The following TERT variants were observed in gnomAD, a reference collection of about 807,000 sequenced individuals.
The protein encoded by TERT is telomerase reverse transcriptase, also known as telomerase catalytic subunit.
TERT carries 42 observed loss-of-function variants against 104.0 expected under a neutral mutation model. The ratio of observed to expected loss-of-function variants is 0.40; its 90% CI spans 0.32 to 0.52. TERT has a LOEUF of 0.52. Among genes scored for constraint, TERT ranks in the 20% least tolerant of loss-of-function variants. The pLI, the probability that TERT is intolerant of heterozygous loss-of-function variation, is 0.43. For synonymous variants in TERT, 781 were observed against 725.6 expected (o/e 1.08, Z -1.23); for missense variants, 1,101 against 1,610.3 (o/e 0.68, Z 5.41).
At position 1,294,734 on chromosome 5, in the gene TERT, T is replaced by G. The variant is rs754596246; in HGVS notation, c.219+37A>C. The G allele has an allele frequency of 2.6e-5, 41 of 1,567,534 alleles. No homozygotes were observed. Among genetic ancestry groups the G allele is most frequent in the Middle Eastern group, 3.8e-4 (2 of 5,280 alleles). On this transcript the variant is annotated intron_variant, in intron 1 of 15. Coordinates refer to ENST00000310581, the MANE Select transcript of TERT (RefSeq NM_198253.3). ...TGTCGCTGGTTCCCCCCGGCCGCCC[T>G]CAACCCCAGCCGGACGCCGACCCCG... is the stretch of plus-strand genomic sequence containing the variant.
rs746036694 is a variant in TERT, at chr5:1,294,109, C to T, written c.777G>A (p.Pro259=). 6.9e-6 allele frequency: 11 copies of T among 1,585,246 alleles called. No homozygotes were observed. The highest frequency in any genetic ancestry group is 1.7e-4 in the Middle Eastern group (1 of 6,058). ...TPVGQGSWAH[P]GRTRGPSDRG... is the part of the protein sequence containing the mutation. The stretch of plus-strand genomic sequence containing the variant: ...GGTCACTCGGTCCACGCGTCCTGCC[C>T]GGGTGGGCCCAGGACCCCTGCCCAA... Residue 259 remains proline (P), a synonymous_variant, in exon 2 of 16, where the codon CCG becomes CCA. Transcript: ENST00000310581.
intron 2 of TERT, among the ~76,000 whole-genome samples, chr5:1,285,641 C>A (rs373064297): frequency 4.7e-5 from 6 of 126,572 alleles, no homozygotes; most frequent in East Asian, 2.6e-4. Flanking sequence ...GCAATGTCGG[C>A]TCACTGCAAC....
Position 1,292,288 on chromosome 5 carries a change from G to A in TERT, c.1573+1025C>T, listed in dbSNP as rs557503341. Among the ~76,000 whole-genome samples, 3 of 152,146 alleles carry A rather than the reference G, an allele frequency of 2.0e-5. No homozygotes were observed. The highest frequency in any genetic ancestry group is 2.1e-4 in the South Asian group (1 of 4,808). On this transcript the variant is annotated intron_variant, in intron 2 of 15. Transcript: ENST00000310581. This position sits in a 1 kb window ranked among gnomAD's most constrained non-coding sequence, Gnocchi z 5.5. ...CTGGGAGCCAAAAGGGGGCTGGAGC[G>A]GAGGTTCCTCAACATCAAATCCAGA... is the stretch of plus-strand genomic sequence containing the variant.
rs750129321 is a variant in TERT at position 1,293,972 on chromosome 5, G to C, written c.914C>G (p.Ala305Gly). 2 of 1,560,830 alleles carry C rather than the reference G, an allele frequency of 1.3e-6. No homozygotes were observed. Among genetic ancestry groups the C allele is most frequent in the Admixed American group, 1.9e-5 (1 of 53,044 alleles). The change falls in exon 2 of 16, where the codon GCG becomes GGG. Residue 305 changes from alanine to glycine, a missense_variant. Around this residue, in one of 5 missense-constraint regions of TERT, gnomAD observed 504 missense variants for 544.6 expected, o/e 0.93. Coordinates refer to ENST00000310581, the MANE Select transcript of TERT (RefSeq NM_198253.3). ...TGGCCGCGATGTGGATGGGGGGCCCGCGTGGTGCTGGCGGCCCACGGATGG... is the reference window on the plus strand; with the variant it reads ...TGGCCGCGATGTGGATGGGGGGCCCCCGTGGTGCTGGCGGCCCACGGATGG... ...SHPSVGRQHHAGPPSTSRPPR... is the reference protein window; with the variant it reads ...SHPSVGRQHHGGPPSTSRPPR...
chr5:1,290,806 C>G (rs62332595), intron 2 of TERT, among the ~76,000 whole-genome samples: 69 of 4,188 alleles, frequency 0.016, no homozygotes, highest in Admixed American at 0.03. Context: ...ACCCGGGGAC[C>G]GCGCCTCACT....
intron 2 of TERT, among the ~76,000 whole-genome samples, chr5:1,291,577 T>C (rs1750969585): frequency 8.0e-6 from 1 of 125,536 alleles, no homozygotes; most frequent in Non-Finnish European, 1.7e-5. Flanking sequence ...TCACTCACCC[T>C]GCACGTGACA....
intron 13 of TERT, 29 bp downstream of exon 13, chr5:1,258,569 T>C (rs1481247257): frequency 1.3e-6 from 2 of 1,556,362 alleles, no homozygotes; most frequent in Non-Finnish European, 1.7e-6. Flanking sequence ...CCCTGGAGGC[T>C]GGGCCTGCAC....
Position 1,294,993 on chromosome 5 carries a change from G to T in TERT, c.-4C>A, listed in dbSNP as rs1751304029. ...GGCAGCGGGGAGCGCGCGGCATCGC[G>T]GGGGTGGCCGGGGCCAGGGCTTCCC... On this transcript the variant is annotated 5_prime_UTR_variant, in exon 1 of 16. Transcript: ENST00000310581. 3.8e-6 allele frequency: 5 copies of T among 1,314,860 alleles called. No homozygotes were observed. The South Asian group carries it at 9.2e-5, about 24-fold the overall frequency. The allele number at this position is 1,314,860 out of a possible 1,614,324, so 81.4% of individuals were successfully genotyped here.
At position 1,292,631 on chromosome 5, in the gene TERT, GC is replaced by G. The variant is rs1751067198; in HGVS notation, c.1573+681del. ...GGGTTCAAGTGATTCTCCTGCCTCA[GC>G]CTCCCAAGTAGCTGGGATTACAGGC... On this transcript the variant is annotated intron_variant, in intron 2 of 15. Coordinates refer to ENST00000310581, the MANE Select transcript of TERT (RefSeq NM_198253.3). This position sits in a 1 kb window ranked among gnomAD's most constrained non-coding sequence, Gnocchi z 5.5. Among the ~76,000 whole-genome samples, 1 of 152,082 alleles carries G rather than the reference GC, an allele frequency of 6.6e-6. No individual in the cohort carries two copies.
Position 1,287,374 on chromosome 5 carries a change from T to C in TERT, c.1574-4750A>G, listed in dbSNP as rs1187110151. 1.3e-5 allele frequency among the ~76,000 whole-genome samples: 2 copies of C among 151,706 alleles called. No individual in the cohort carries two copies. The highest frequency in any genetic ancestry group is 2.9e-5 in the Non-Finnish European group (2 of 67,906). On this transcript the variant is annotated intron_variant, in intron 2 of 15. Transcript: ENST00000310581. The surrounding 1 kb of genome is among the most constrained non-coding windows in gnomAD (Gnocchi z 4.3). Reference sequence around the variant, plus strand: ...AATTAGCCAGGTGTAGCGGTGCGTGTCTGCAGTTCCAGCTATTCAGGAGGC... The same window carrying C: ...AATTAGCCAGGTGTAGCGGTGCGTGCCTGCAGTTCCAGCTATTCAGGAGGC...
At chr5:1,273,246 G>A (rs113653418) in intron 6 of TERT, among the ~76,000 whole-genome samples, 3 of 18,690 alleles carry the variant, frequency 1.6e-4, no homozygotes, top group Admixed American at 8.0e-4. Flanking sequence ...CCCCACGACC[G>A]CCATCCACAG....
rs1213662764 is a variant in TERT at position 1,293,930 on chromosome 5, G to T, written c.956C>A (p.Thr319Lys). ...CTCGGCGTACACCGGGGGACAAGGC[G>T]TGTCCCAGGGACGTGGTGGCCGCGA... ...STSRPPRPWD[T>K]PCPPVYAETK... Residue 319 changes from threonine to lysine, a missense_variant, in exon 2 of 16, where the codon ACG (threonine) becomes AAG (lysine). By Grantham distance (78) the Thr-to-Lys change is moderately conservative (BLOSUM62 -1). Transcript: ENST00000310581. The T allele has an allele frequency of 6.5e-7, 1 of 1,543,736 alleles. No homozygotes were observed. The highest frequency in any genetic ancestry group is 2.4e-5 in the East Asian group (1 of 40,934).
chr5:1,283,414 C>A (rs1329135299), intron 2 of TERT, among the ~76,000 whole-genome samples: 1 of 147,192 alleles, frequency 6.8e-6, no homozygotes, highest in Non-Finnish European at 1.5e-5. Flanking sequence ...GGCGACCTCA[C>A]CCCGGACCTG....
At position 1,286,528 on chromosome 5, in the gene TERT, C is replaced by T. The variant is rs1383729726; in HGVS notation, c.1574-3904G>A. Among the ~76,000 whole-genome samples, 1 of 152,136 alleles carries T rather than the reference C, an allele frequency of 6.6e-6. No homozygotes were observed. Among genetic ancestry groups the T allele is most frequent in the Admixed American group, 6.6e-5 (1 of 15,260 alleles). On this transcript the variant is annotated intron_variant, in intron 2 of 15. Transcript: ENST00000310581. The surrounding 1 kb of genome is among the most constrained non-coding windows in gnomAD (Gnocchi z 5.3). The stretch of plus-strand genomic sequence containing the variant: ...CTGGGGGGTGGCCAGAGCTAAAATA[C>T]ACTAAGGGTCTTATTGCTCAGGACA...
intron 9 of TERT, among the ~76,000 whole-genome samples, chr5:1,267,568 A>AGAC (rs1301497212): frequency 6.6e-6 from 1 of 152,252 alleles, no homozygotes; most frequent in African/African-American, 2.4e-5. Flanking sequence ...ACAGTAGCAA[A>AGAC]GACTTGCAAC....
intron 2 of TERT, among the ~76,000 whole-genome samples, chr5:1,285,517 A>C (rs541938322): frequency 6.6e-6 from 1 of 150,890 alleles, no homozygotes; most frequent in Non-Finnish European, 1.5e-5. Flanking sequence ...ATCTATTATT[A>C]CATTAATTTC....
At position 1,293,362 on chromosome 5, in the gene TERT, C is replaced by T; in HGVS notation, c.1524G>A (p.Leu508=). ...AGTCCCGCACGCTCATCTTCCACGT[C>T]AGCTCCTGCAGCGAGAGCTTGGCAT... ...GKHAKLSLQE[L]TWKMSVRDCA... Residue 508 remains leucine, a synonymous_variant, in exon 2 of 16, where the codon CTG becomes CTA. Transcript: ENST00000310581. 6.2e-7 allele frequency: 1 copy of T among 1,613,348 alleles called. No individual in the cohort carries two copies. The highest frequency in any genetic ancestry group is 8.5e-7 in the Non-Finnish European group (1 of 1,180,022).
At position 1,265,740 on chromosome 5, in the gene TERT, G is replaced by A. The variant is rs1169858352; in HGVS notation, c.2654+724C>T. Among the ~76,000 whole-genome samples the A allele has an allele frequency of 2.0e-5, 3 of 152,078 alleles. No individual in the cohort carries two copies. Among genetic ancestry groups the A allele is most frequent in the Non-Finnish European group, 2.9e-5 (2 of 68,010 alleles). On this transcript the variant is annotated intron_variant, in intron 10 of 15. Transcript: ENST00000310581. This position sits in a 1 kb window ranked among gnomAD's most constrained non-coding sequence, Gnocchi z 6.9. Reference sequence around the variant, plus strand: ...AAAGCACCTGAAACCACCCCTGGCGGCCACATTTTCTGAGGGTTCCCTTTA... The same window carrying A: ...AAAGCACCTGAAACCACCCCTGGCGACCACATTTTCTGAGGGTTCCCTTTA...
At position 1,253,804 on chromosome 5, in the gene TERT, G is replaced by C. The variant is rs376255453; in HGVS notation, c.3323C>G (p.Pro1108Arg). The change falls in exon 16 of 16, where the codon CCG (proline) becomes CGG (arginine). Residue 1108 changes from proline to arginine, a missense_variant. Pro to Arg is a moderately radical substitution (Grantham distance 103). This residue lies in a region of TERT where 463 missense variants were observed against 797.5 expected (regional missense o/e 0.58). Coordinates refer to ENST00000310581, the MANE Select transcript of TERT (RefSeq NM_198253.3). ...TAQTQLSRKL[P>R]GTTLTALEAA... ...CTCCAGGGCAGTCAGCGTCGTCCCC[G>C]GGAGCTTCCGACTCAGCTGCGTCTG... is the stretch of plus-strand genomic sequence containing the variant. The C allele has an allele frequency of 3.7e-6, 6 of 1,611,346 alleles. No individual in the cohort carries two copies. Among genetic ancestry groups the C allele is most frequent in the Non-Finnish European group, 5.1e-6 (6 of 1,179,520 alleles).
Sources: gnomAD v4.1 joint callset for allele counts (sites outside exome capture counted in the v4.1 genomes callset) on GRCh38, gnomAD v4.1.1 for gene constraint, gnomAD v4.1.1 regional missense constraint, Gnocchi (gnomAD v3.1) non-coding constraint, MANE v1.5 for transcripts, NCBI Gene and HGNC (gene_info 2026-07-23, HGNC 2026-07-21) for gene names.